DNAJC15: variants seen among roughly 807,000 people sequenced by gnomAD.
DNAJC15 encodes the protein dnaJ homolog subfamily C member 15.
Under a neutral mutation model 22.4 loss-of-function variants are expected in DNAJC15, and 27 were observed. The observed-to-expected ratio is 1.20, with a 90% CI of 0.89 to 1.66. The LOEUF (loss-of-function observed/expected upper bound fraction) is 1.66, where lower values mean the gene tolerates loss of function less well. Among genes scored for constraint, DNAJC15 ranks in the 40% most tolerant of loss-of-function variants. The pLI is 0.00. For synonymous variants in DNAJC15, 79 were observed against 63.2 expected, an observed-to-expected ratio of 1.25 and a Z score of -1.19; for missense variants, 208 against 187.1, an observed-to-expected ratio of 1.11 and a Z score of -0.65.
intron 5 of DNAJC15, among the ~76,000 whole-genome samples, chr13:43,103,157 T>C (rs1025077502): frequency 1.3e-5 from 2 of 152,182 alleles, no homozygotes; most frequent in African/African-American, 4.8e-5. Context: ...GCATGAGTTA[T>C]TTAGGAGTAT....
Position 43,107,543 on chromosome 13 carries a change from AC to A in DNAJC15, c.*296del, listed in dbSNP as rs2040803750. 1 of 187,212 alleles carries A rather than the reference AC, an allele frequency of 5.3e-6. No individual in the cohort carries two copies. The highest frequency in any genetic ancestry group is 6.1e-5 in the Admixed American group (1 of 16,326). 11.6% of individuals were successfully genotyped at this position (187,212 alleles called of 1,614,324 possible). A position where few individuals can be genotyped will look rare whatever the true frequency, so the allele number is the denominator to read the frequency against. On this transcript the variant is annotated 3_prime_UTR_variant, in exon 6 of 6. Coordinates refer to ENST00000379221, the MANE Select transcript of DNAJC15 (RefSeq NM_013238.3). Reference sequence around the variant, plus strand: ...CCCCCCTACACACACACACACACACACACACACACACACGTGCAAAAAATAT... The same window carrying A: ...CCCCCCTACACACACACACACACACAACACACACACACGTGCAAAAAATAT...
intron 3 of DNAJC15, among the ~76,000 whole-genome samples, chr13:43,073,488 A>AAAAG (rs111881273): frequency 0.53 from 81,051 of 151,602 alleles, 21,744 homozygotes; most frequent in South Asian, 0.64. Context: ...GCCTGAGGGC[A>AAAAG]TGACAGGTAC....
chr13:43,050,935 A>G (rs908599069), intron 1 of DNAJC15, among the ~76,000 whole-genome samples: 2 of 151,990 alleles, frequency 1.3e-5, no homozygotes, highest in South Asian at 4.1e-4. Context: ...CTAGTGATCT[A>G]CCTAATTTGG....
At chr13:43,104,067 A>T (rs2040784013) in intron 5 of DNAJC15, among the ~76,000 whole-genome samples, 1 of 152,296 alleles carries the variant, frequency 6.6e-6, no homozygotes, top group South Asian at 2.1e-4. Flanking sequence ...TAATTTATAT[A>T]GAATAAAATG....
chr13:43,046,996 T>C (rs2040480470), intron 1 of DNAJC15, among the ~76,000 whole-genome samples: 2 of 152,164 alleles, frequency 1.3e-5, no homozygotes, highest in African/African-American at 4.8e-5. Flanking sequence ...CCACAGCTTC[T>C]AATAGCTATA....
rs2040531519 is a variant in DNAJC15, at chr13:43,056,380, C to T, written c.109-9306C>T. Among the ~76,000 whole-genome samples, 5 of 152,158 alleles carry T rather than the reference C, an allele frequency of 3.3e-5. No individual in the cohort carries two copies. The South Asian group carries it at 1.0e-3, about 32-fold the overall frequency. On this transcript the variant is annotated intron_variant, in intron 1 of 5. Transcript: ENST00000379221. ...TTTGAACTCCTGACCTCAGGTGATC[C>T]ACCTGCCTCAGCTTCCCAAAGTGCT...
chr13:43,027,801 C>T (rs2040387019), intron 1 of DNAJC15, among the ~76,000 whole-genome samples: 2 of 152,064 alleles, frequency 1.3e-5, no homozygotes, highest in African/African-American at 2.4e-5. Flanking sequence ...GGACCACAGG[C>T]GCCTGCCACC....
intron 5 of DNAJC15, among the ~76,000 whole-genome samples, chr13:43,098,378 T>C (rs2040751380): frequency 6.6e-6 from 1 of 152,138 alleles, no homozygotes; most frequent in Non-Finnish European, 1.5e-5. Flanking sequence ...GTAATTTGAT[T>C]GAAAACTACT....
At chr13:43,097,241 C>T (rs992673269) in intron 5 of DNAJC15, among the ~76,000 whole-genome samples, 1 of 152,114 alleles carries the variant, frequency 6.6e-6, no homozygotes, top group Non-Finnish European at 1.5e-5. Context: ...AGACCTAAGG[C>T]AGTAAGTCAT....
rs774868054 is a variant in DNAJC15 at position 43,065,696 on chromosome 13, T to G, written c.119T>G (p.Leu40Trp). 3 of 1,613,154 alleles carry G rather than the reference T, an allele frequency of 1.9e-6. No homozygotes were observed. Among genetic ancestry groups the G allele is most frequent in the Non-Finnish European group, 2.5e-6 (3 of 1,179,656 alleles). ...TTTTTTCTTCCATAGGTAAGAAGTT[T>G]GATAGCTGTAGGACTGGGTGTTGCA... Reference protein sequence around the residue: ...DVDQQRLVRSLIAVGLGVAAL... With the variant: ...DVDQQRLVRSWIAVGLGVAAL... The change falls in exon 2 of 6, where the codon TTG becomes TGG. Residue 40 changes from leucine to tryptophan, a missense_variant. Physicochemically the swap from Leu to Trp is moderately conservative, Grantham distance 61 (BLOSUM62 -2). Coordinates refer to ENST00000379221, the MANE Select transcript of DNAJC15 (RefSeq NM_013238.3).
intron 1 of DNAJC15, among the ~76,000 whole-genome samples, chr13:43,029,424 C>T (rs2040394860): frequency 1.3e-5 from 2 of 152,092 alleles, no homozygotes. Flanking sequence ...GAAATTTTAG[C>T]ATTTTATAAC....
chr13:43,060,522 A>G (rs1042329464), intron 1 of DNAJC15, among the ~76,000 whole-genome samples: 2 of 152,164 alleles, frequency 1.3e-5, no homozygotes, highest in Non-Finnish European at 2.9e-5. Context: ...TTTGGGCTCT[A>G]TCCTTGAGTT....
chr13:43,104,202 A>C (rs1195980700), intron 5 of DNAJC15, among the ~76,000 whole-genome samples: 1 of 152,136 alleles, frequency 6.6e-6, no homozygotes, highest in Non-Finnish European at 1.5e-5. Flanking sequence ...TCCCATTGCC[A>C]ATCCCTCCCC....
intron 1 of DNAJC15, among the ~76,000 whole-genome samples, chr13:43,039,531 A>G (rs1196051079): frequency 1.3e-5 from 2 of 152,192 alleles, no homozygotes; most frequent in Non-Finnish European, 2.9e-5. Flanking sequence ...GGAGACACCA[A>G]GGGAAGGCTA....
At chr13:43,085,723 G>T in intron 4 of DNAJC15, 45 bp from the exon 5 acceptor site, 1 of 1,514,328 alleles carries the variant, frequency 6.6e-7, no homozygotes, top group Non-Finnish European at 9.1e-7. Context: ...TTTATAATCT[G>T]CATTTGATGC....
Position 43,037,815 on chromosome 13 carries a change from G to A in DNAJC15, c.108+14081G>A, listed in dbSNP as rs536261424. Among the ~76,000 whole-genome samples, 181 of 152,312 alleles carry A rather than the reference G, an allele frequency of 1.2e-3. 1 individual carries two copies. Among genetic ancestry groups the A allele is most frequent in the African/African-American group, 4.2e-3 (174 of 41,570 alleles). On this transcript the variant is annotated intron_variant, in intron 1 of 5. Coordinates refer to ENST00000379221, the MANE Select transcript of DNAJC15 (RefSeq NM_013238.3). ...TTTTACAGATGAAGGAACACATGGA[G>A]GTCATGTAACTTGGGCAGGTCATGG...
Position 43,078,856 on chromosome 13 carries a change from C to A in DNAJC15, c.311+168C>A, listed in dbSNP as rs2040648265. 8 of 480,054 alleles carry A rather than the reference C, an allele frequency of 1.7e-5. No individual in the cohort carries two copies. The South Asian group carries it at 3.8e-4, about 23-fold the overall frequency. 29.7% of individuals were successfully genotyped at this position (480,054 alleles called of 1,614,324 possible). ...GCCTCAAATCTAAAAGTATCCCACT[C>A]CCCTAAAAAAACAAAACAAAACAAA... is the stretch of plus-strand genomic sequence containing the variant. On this transcript the variant is annotated intron_variant, in intron 4 of 5. Coordinates refer to ENST00000379221, the MANE Select transcript of DNAJC15 (RefSeq NM_013238.3).
chr13:43,048,611 A>G (rs1053382810), intron 1 of DNAJC15, among the ~76,000 whole-genome samples: 4 of 152,238 alleles, frequency 2.6e-5, no homozygotes, highest in African/African-American at 7.2e-5. Flanking sequence ...ATTAAAAACT[A>G]AATTTCTAAA....
Position 43,023,604 on chromosome 13 carries a change from T to C in DNAJC15, c.-23T>C, listed in dbSNP as rs560121505. On this transcript the variant is annotated 5_prime_UTR_variant, in exon 1 of 6. Transcript: ENST00000379221. ...GCCTCGTAGTCACTGCCGCGGCGCC[T>C]TGAGTCTCCGGGCCGCCTTGCCATG... 5 of 1,600,384 alleles carry C rather than the reference T, an allele frequency of 3.1e-6. No homozygotes were observed. Among genetic ancestry groups the C allele is most frequent in the Admixed American group, 1.7e-5 (1 of 58,620 alleles).
Sources: allele counts gnomAD v4.1 joint callset (sites outside exome capture counted in the v4.1 genomes callset), GRCh38; gene constraint gnomAD v4.1.1; transcripts MANE v1.5; gene names NCBI Gene and HGNC (gene_info 2026-07-23, HGNC 2026-07-21).